The following NCAM2 variants were observed in gnomAD, a reference collection of about 807,000 sequenced individuals.
NCAM2 encodes the protein neural cell adhesion molecule 2, also known as N-CAM-2.
Under a neutral mutation model 98.1 loss-of-function variants are expected in NCAM2, and 30 were observed. The ratio of observed to expected loss-of-function variants is 0.31; its 90% CI spans 0.23 to 0.41. The LOEUF is 0.41. NCAM2 is among the 10% of genes least tolerant of loss of function. NCAM2 has a pLI of 1.00. For synonymous variants in NCAM2, 368 were observed against 342.4 expected (o/e 1.07, Z -0.83); for missense variants, 867 against 1,005.8 (o/e 0.86, Z 1.87).
At chr21:21,255,127 C>A (rs1432709705) in intron 1 of NCAM2, among the ~76,000 whole-genome samples, 1 of 152,126 alleles carries the variant, frequency 6.6e-6, no homozygotes, top group African/African-American at 2.4e-5. Flanking sequence ...ATGTCGGGAT[C>A]TCATGGTTTT....
At chr21:21,192,229 A>G (rs542324914) in intron 1 of NCAM2, among the ~76,000 whole-genome samples, 8 of 152,018 alleles carry the variant, frequency 5.3e-5, no homozygotes, top group African/African-American at 1.7e-4. Context: ...CTCAAAAAAC[A>G]AAAAAACAAA....
chr21:21,413,661 G>T (rs1023334836), intron 10 of NCAM2, among the ~76,000 whole-genome samples: 1 of 152,080 alleles, frequency 6.6e-6, no homozygotes, highest in Non-Finnish European at 1.5e-5. Context: ...GTATAAAAAG[G>T]TCTACATAAC....
chr21:21,200,491 A>G (rs372520400), intron 1 of NCAM2, among the ~76,000 whole-genome samples: 1 of 152,232 alleles, frequency 6.6e-6, no homozygotes, highest in East Asian at 1.9e-4. Context: ...CGTTTAAGAA[A>G]TAAAGAAGAT....
At chr21:21,214,442 A>AT (rs1265612144) in intron 1 of NCAM2, among the ~76,000 whole-genome samples, 1 of 151,934 alleles carries the variant, frequency 6.6e-6, no homozygotes, top group East Asian at 1.9e-4. Flanking sequence ...TGCCAGGATA[A>AT]TTGGCCAATT....
intron 11 of NCAM2, among the ~76,000 whole-genome samples, chr21:21,428,221 G>A (rs749338761): frequency 1.3e-5 from 2 of 151,980 alleles, no homozygotes; most frequent in African/African-American, 4.8e-5. Flanking sequence ...CAATTTTTGG[G>A]ATATAAGACA....
rs897775672 is a variant in NCAM2 at position 21,466,852 on chromosome 21, T to C, written c.1774+127T>C. The C allele has an allele frequency of 4.8e-5, 49 of 1,017,936 alleles. No individual in the cohort carries two copies. The African/African-American group carries it at 7.5e-4, about 15-fold the overall frequency. The allele number at this position is 1,017,936 out of a possible 1,614,324, so 63.1% of individuals were successfully genotyped here. A position where few individuals can be genotyped will look rare whatever the true frequency, so the allele number is the denominator to read the frequency against. On this transcript the variant is annotated intron_variant, in intron 13 of 17. Transcript: ENST00000400546. ...ATGAATTATGTCTTTGGTGAAGTGG[T>C]TTCTGAAGACAGTGACATCTGAGAT...
chr21:21,496,335 T>A (rs1056115312), intron 15 of NCAM2, among the ~76,000 whole-genome samples: 4 of 152,118 alleles, frequency 2.6e-5, no homozygotes, highest in African/African-American at 4.8e-5. Flanking sequence ...ACTATCTCAT[T>A]GTGGTTTTGA....
chr21:21,464,632 A>C (rs1267552496), intron 12 of NCAM2, among the ~76,000 whole-genome samples: 1 of 152,158 alleles, frequency 6.6e-6, no homozygotes, highest in Non-Finnish European at 1.5e-5. Flanking sequence ...GCTGACTTTC[A>C]GCAGAGGCTT....
At chr21:21,025,332 A>C (rs916251317) in intron 1 of NCAM2, among the ~76,000 whole-genome samples, 22 of 151,974 alleles carry the variant, frequency 1.4e-4, no homozygotes, top group Non-Finnish European at 2.5e-4. Context: ...TGGCCTGCCC[A>C]CCTAGGCCTC....
At chr21:21,107,185 C>G (rs1257088705) in intron 1 of NCAM2, among the ~76,000 whole-genome samples, 5 of 152,028 alleles carry the variant, frequency 3.3e-5, no homozygotes, top group Admixed American at 6.6e-5. Flanking sequence ...GTTTACATTT[C>G]ACATGTATTA....
chr21:21,009,025 TG>T (rs1328696068), intron 1 of NCAM2, among the ~76,000 whole-genome samples: 1 of 152,150 alleles, frequency 6.6e-6, no homozygotes, highest in Non-Finnish European at 1.5e-5. Flanking sequence ...GTGAACTCCA[TG>T]GGAGCAAGAA....
chr21:21,138,004 GA>G (rs2067094738), intron 1 of NCAM2, among the ~76,000 whole-genome samples: 1 of 152,144 alleles, frequency 6.6e-6, no homozygotes, highest in South Asian at 2.1e-4. Flanking sequence ...GTTCACCCCA[GA>G]TACCAGCTTA....
chr21:21,489,384 A>G (rs1193170695), intron 15 of NCAM2, among the ~76,000 whole-genome samples: 2 of 150,444 alleles, frequency 1.3e-5, no homozygotes, highest in African/African-American at 4.9e-5. Flanking sequence ...CTTTTTCTCT[A>G]TTTCTGTCTC....
intron 1 of NCAM2, among the ~76,000 whole-genome samples, chr21:21,206,332 A>G (rs1295462030): frequency 6.6e-6 from 1 of 152,182 alleles, no homozygotes; most frequent in Admixed American, 6.6e-5. Flanking sequence ...AACTTCTGTT[A>G]TCACTTAACT....
intron 5 of NCAM2, among the ~76,000 whole-genome samples, chr21:21,294,811 G>A (rs115143399): frequency 0.02 from 2,490 of 127,420 alleles, 72 homozygotes; most frequent in African/African-American, 0.078. Flanking sequence ...TAAATATCGA[G>A]GTTTTTTTTT....
intron 1 of NCAM2, among the ~76,000 whole-genome samples, chr21:21,175,965 T>C (rs189468453): frequency 7.5e-4 from 115 of 152,318 alleles, no homozygotes; most frequent in African/African-American, 2.7e-3. Context: ...GAAAATGTGG[T>C]TTAAAACAGA....
chr21:21,166,961 A>G (rs1220826828), intron 1 of NCAM2, among the ~76,000 whole-genome samples: 1 of 152,238 alleles, frequency 6.6e-6, no homozygotes, highest in Non-Finnish European at 1.5e-5. Flanking sequence ...TAACCTGTAT[A>G]CAAATATTTA....
intron 12 of NCAM2, among the ~76,000 whole-genome samples, chr21:21,442,085 A>G (rs1017321322): frequency 2.0e-5 from 3 of 152,194 alleles, no homozygotes; most frequent in Non-Finnish European, 4.4e-5. Flanking sequence ...GTAAGATCGC[A>G]CAGGACTTCA....
chr21:21,210,724 A>G, intron 1 of NCAM2: 2 of 1,047,340 alleles, frequency 1.9e-6, no homozygotes, highest in African/African-American at 3.4e-5. Flanking sequence ...GCTGTAATCT[A>G]TAAGGAATGT....
Sources: allele counts gnomAD v4.1 joint callset (sites outside exome capture counted in the v4.1 genomes callset), GRCh38; gene constraint gnomAD v4.1.1; transcripts MANE v1.5; gene names NCBI Gene and HGNC (gene_info 2026-07-23, HGNC 2026-07-21).